ZNF169: variants seen among roughly 807,000 people sequenced by gnomAD.
ZNF169 encodes the protein zinc finger protein 169.
A neutral mutation model predicts 12.0 loss-of-function variants in ZNF169; 11 were observed. The observed-to-expected ratio is 0.92, with a 90% CI of 0.58 to 1.52. The LOEUF is 1.52. Among genes scored for constraint, ZNF169 ranks in the 40% most tolerant of loss-of-function variants. ZNF169 has a pLI of 0.00. For synonymous variants in ZNF169, 302 were observed against 286.5 expected, an observed-to-expected ratio of 1.05 and a Z score of -0.55; for missense variants, 722 against 744.0, an observed-to-expected ratio of 0.97 and a Z score of 0.34.
rs61744809 is a variant in ZNF169 at position 94,301,265 on chromosome 9, G to A, written c.1707G>A (p.Pro569=). 59 of 1,610,690 alleles carry A rather than the reference G, an allele frequency of 3.7e-5. No homozygotes were observed. Among genetic ancestry groups the A allele is most frequent in the Non-Finnish European group, 4.2e-5 (49 of 1,178,972 alleles). The change falls in exon 5 of 5, where the codon CCG becomes CCA. Residue 569 remains proline (P), a synonymous_variant. Coordinates refer to ENST00000395395, the MANE Select transcript of ZNF169 (RefSeq NM_194320.4). The part of the protein sequence containing the change: ...RHQRTHSGEK[P]YVCRECGRGF... ...AGCGGACCCATTCTGGGGAGAAGCC[G>A]TATGTCTGCAGGGAGTGTGGGCGTG... is the stretch of plus-strand genomic sequence containing the variant.
intron 1 of ZNF169, among the ~76,000 whole-genome samples, chr9:94,263,246 G>A (rs926443142): frequency 2.6e-5 from 4 of 152,018 alleles, no homozygotes; most frequent in Non-Finnish European, 4.4e-5. Flanking sequence ...TTTGCTTCAC[G>A]TATTTTGAAG....
At chr9:94,274,002 C>G (rs77399910) in intron 1 of ZNF169, among the ~76,000 whole-genome samples, 1 of 152,306 alleles carries the variant, frequency 6.6e-6, no homozygotes, top group East Asian at 1.9e-4. Context: ...CTTCATAATT[C>G]TGGAAGATAG....
In ZNF169 at chr9:94,300,071, C is replaced by T; in HGVS notation, c.513C>T (p.Asp171=). 6.2e-7 allele frequency: 1 copy of T among 1,614,074 alleles called. No individual in the cohort carries two copies. The highest frequency in any genetic ancestry group is 8.5e-7 in the Non-Finnish European group (1 of 1,180,022). Residue 171 remains aspartate (D), a synonymous_variant, in exon 5 of 5, where the codon GAC becomes GAT. Transcript: ENST00000395395. The part of the protein sequence containing the change: ...SRTFFSPHQG[D]PVEWVEGNRE... Reference sequence around the variant, plus strand: ...CATTCTTCAGCCCACATCAAGGTGACCCAGTAGAATGGGTAGAAGGGAACA... The same window carrying T: ...CATTCTTCAGCCCACATCAAGGTGATCCAGTAGAATGGGTAGAAGGGAACA...
intron 2 of ZNF169, chr9:94,288,117 C>T: frequency 1.2e-6 from 1 of 824,542 alleles, no homozygotes; most frequent in Non-Finnish European, 2.1e-6. Flanking sequence ...GCCCTCATAA[C>T]CCAGCACCAG....
rs542454991 is a variant in ZNF169, at chr9:94,292,301, G to A, written c.34-40G>A. Reference sequence around the variant, plus strand: ...GTGGCTTAAGTTGGTTAGTGGGCATGGCTGGCTGTTGAGTGAGCAGGGATG... The same window carrying A: ...GTGGCTTAAGTTGGTTAGTGGGCATAGCTGGCTGTTGAGTGAGCAGGGATG... On this transcript the variant is annotated intron_variant, in intron 2 of 4. Transcript: ENST00000395395. 11 of 1,613,592 alleles carry A rather than the reference G, an allele frequency of 6.8e-6. No individual in the cohort carries two copies. In the East Asian group the frequency reaches 2.0e-4, roughly 29 times the overall value.
intron 2 of ZNF169, among the ~76,000 whole-genome samples, chr9:94,282,713 A>T (rs922633804): frequency 2.0e-5 from 3 of 152,156 alleles, no homozygotes; most frequent in Non-Finnish European, 2.9e-5. Context: ...TAAAATTTTT[A>T]AAAATATTTG....
intron 1 of ZNF169, among the ~76,000 whole-genome samples, chr9:94,277,824 C>G (rs932397331): frequency 1.3e-5 from 2 of 150,918 alleles, no homozygotes; most frequent in Non-Finnish European, 2.9e-5. Flanking sequence ...CCCAGCTACT[C>G]GGGAGGCTGA....
chr9:94,289,570 A>G (rs906370574), intron 2 of ZNF169, among the ~76,000 whole-genome samples: 2 of 152,146 alleles, frequency 1.3e-5, no homozygotes, highest in Admixed American at 6.5e-5. Context: ...CAGGTGGATC[A>G]CCTGTGGTCA....
intron 1 of ZNF169, among the ~76,000 whole-genome samples, chr9:94,273,534 C>A (rs1429921091): frequency 7.2e-6 from 1 of 138,470 alleles, no homozygotes; most frequent in East Asian, 2.0e-4. Flanking sequence ...ATTAAAACTT[C>A]TTTTTTTAAA....
At chr9:94,266,365 G>T (rs1830293580) in intron 1 of ZNF169, among the ~76,000 whole-genome samples, 1 of 152,092 alleles carries the variant, frequency 6.6e-6, no homozygotes. Flanking sequence ...AATCTTTCTG[G>T]CTACTTCCTG....
At chr9:94,267,078 T>G (rs1025817071) in intron 1 of ZNF169, among the ~76,000 whole-genome samples, 3 of 152,028 alleles carry the variant, frequency 2.0e-5, no homozygotes, top group African/African-American at 7.2e-5. Context: ...CCAGCTAACA[T>G]GTAGGCTTTT....
chr9:94,276,289 A>G (rs1285820430), intron 1 of ZNF169, among the ~76,000 whole-genome samples: 3 of 152,008 alleles, frequency 2.0e-5, no homozygotes, highest in African/African-American at 7.3e-5. Flanking sequence ...TCTTTGAGAC[A>G]GAGTCTTGCT....
At chr9:94,287,861 G>A (rs1179205044) in intron 2 of ZNF169, 29 of 1,026,640 alleles carry the variant, frequency 2.8e-5, no homozygotes, top group Admixed American at 1.2e-4. Context: ...AGAAGTAGGC[G>A]TCAGGGTCGA....
At chr9:94,288,486 A>G (rs868026689) in intron 2 of ZNF169, 51 of 782,014 alleles carry the variant, frequency 6.5e-5, no homozygotes, top group South Asian at 1.4e-4. Flanking sequence ...AGCCAAATCC[A>G]TAGCCATTGG....
intron 1 of ZNF169, among the ~76,000 whole-genome samples, chr9:94,267,664 AT>A (rs1376775313): frequency 6.6e-6 from 1 of 152,190 alleles, no homozygotes; most frequent in Non-Finnish European, 1.5e-5. Context: ...TTAAGCAAAA[AT>A]GTCAAAAAGG....
At chr9:94,292,645 G>A (rs1044175533) in intron 3 of ZNF169, 178 bp downstream of exon 3, 2 of 818,674 alleles carry the variant, frequency 2.4e-6, no homozygotes, top group Non-Finnish European at 1.9e-6. Flanking sequence ...GTGTGTGCGC[G>A]TGCACATGCT....
At chr9:94,288,818 T>C (rs746251147) in intron 2 of ZNF169, among the ~76,000 whole-genome samples, 4 of 152,188 alleles carry the variant, frequency 2.6e-5, no homozygotes, top group African/African-American at 9.7e-5. Context: ...TGTGAGTCAA[T>C]TGAACCTTTT....
At chr9:94,289,119 G>C (rs1830777511) in intron 2 of ZNF169, among the ~76,000 whole-genome samples, 1 of 152,144 alleles carries the variant, frequency 6.6e-6, no homozygotes, top group South Asian at 2.1e-4. Context: ...TGGTAAAATG[G>C]CCAGGTGTGG....
At chr9:94,293,149 G>C in intron 4 of ZNF169, 80 bp downstream of exon 4, 2 of 1,273,766 alleles carry the variant, frequency 1.6e-6, no homozygotes, top group African/African-American at 2.9e-5. Flanking sequence ...CTATCTTTGA[G>C]GTGCTAGGAG....
Sources: allele counts gnomAD v4.1 joint callset (sites outside exome capture counted in the v4.1 genomes callset), GRCh38; gene constraint gnomAD v4.1.1; transcripts MANE v1.5; gene names NCBI Gene and HGNC (gene_info 2026-07-23, HGNC 2026-07-21).